SCFD2: variants seen among roughly 807,000 people sequenced by gnomAD.
The protein encoded by SCFD2 is sec1 family domain containing 2, also known as sec1 family domain-containing protein 2.
SCFD2 carries 54 observed loss-of-function variants against 58.9 expected under a neutral mutation model. The ratio of observed to expected loss-of-function variants is 0.92; its 90% CI spans 0.74 to 1.15. SCFD2 has a LOEUF of 1.15. SCFD2 is among the 50% of genes most tolerant of loss of function. The pLI is 0.00. For synonymous variants in SCFD2, 321 were observed against 335.9 expected, an observed-to-expected ratio of 0.96 and a Z score of 0.49; for missense variants, 805 against 836.6, an observed-to-expected ratio of 0.96 and a Z score of 0.47.
intron 5 of SCFD2, among the ~76,000 whole-genome samples, chr4:53,062,056 T>C (rs1335470346): frequency 2.0e-5 from 3 of 151,670 alleles, no homozygotes; most frequent in Non-Finnish European, 4.4e-5. Context: ...TGTAATTATA[T>C]AACATAATAT....
chr4:53,258,637 G>A (rs1730734327), intron 4 of SCFD2, among the ~76,000 whole-genome samples: 1 of 147,914 alleles, frequency 6.8e-6, no homozygotes, highest in Non-Finnish European at 1.5e-5. Flanking sequence ...TGGGCATTTG[G>A]GCTGGTTCCA....
At chr4:53,095,595 G>T (rs1047919922) in intron 5 of SCFD2, among the ~76,000 whole-genome samples, 1 of 152,004 alleles carries the variant, frequency 6.6e-6, no homozygotes, top group Non-Finnish European at 1.5e-5. Context: ...AAAAATGTAT[G>T]ACAGATAATT....
At chr4:53,079,688 A>G (rs1724084862) in intron 5 of SCFD2, among the ~76,000 whole-genome samples, 1 of 152,188 alleles carries the variant, frequency 6.6e-6, no homozygotes, top group Admixed American at 6.5e-5. Context: ...CCCAATAATT[A>G]CCATTATATG....
At chr4:53,235,262 A>T (rs1406669962) in intron 4 of SCFD2, among the ~76,000 whole-genome samples, 1 of 152,206 alleles carries the variant, frequency 6.6e-6, no homozygotes, top group East Asian at 1.9e-4. Context: ...AACAGGTGGT[A>T]AGAACATAAA....
intron 1 of SCFD2, among the ~76,000 whole-genome samples, chr4:53,356,505 AGC>A (rs1734404624): frequency 6.6e-6 from 1 of 152,180 alleles, no homozygotes; most frequent in Admixed American, 6.5e-5. Context: ...GGCTCACTGC[AGC>A]CTAGATTTCC....
Position 52,882,783 on chromosome 4 carries a change from A to G in SCFD2, c.1962+2964T>C, listed in dbSNP as rs1156485326. Reference sequence around the variant, plus strand: ...CCTCACCTTGTGACTGTGTCAGTCAATAGTCCTTAATAAACTCCCCTTTAT... The same window carrying G: ...CCTCACCTTGTGACTGTGTCAGTCAGTAGTCCTTAATAAACTCCCCTTTAT... On this transcript the variant is annotated intron_variant, in intron 8 of 8. Transcript: ENST00000401642. 3.9e-5 allele frequency among the ~76,000 whole-genome samples: 6 copies of G among 152,202 alleles called. No individual in the cohort carries two copies. In the East Asian group the frequency reaches 9.6e-4, roughly 24 times the overall value.
At chr4:53,233,652 C>T (rs1281165256) in intron 4 of SCFD2, among the ~76,000 whole-genome samples, 3 of 152,198 alleles carry the variant, frequency 2.0e-5, no homozygotes, top group Non-Finnish European at 4.4e-5. Flanking sequence ...CACCTAACTC[C>T]AAATCTGGCC....
chr4:52,910,292 T>A (rs1211261986), intron 6 of SCFD2, among the ~76,000 whole-genome samples: 1 of 152,230 alleles, frequency 6.6e-6, no homozygotes, highest in Non-Finnish European at 1.5e-5. Context: ...AAGTGAAGCC[T>A]GGAGCTCCAG....
At chr4:53,041,855 T>C (rs1722908641) in intron 5 of SCFD2, among the ~76,000 whole-genome samples, 1 of 152,194 alleles carries the variant, frequency 6.6e-6, no homozygotes, top group South Asian at 2.1e-4. Flanking sequence ...TCCCAGAGTG[T>C]ATCCACTTCT....
chr4:52,964,717 C>A (rs1038232868), intron 5 of SCFD2, among the ~76,000 whole-genome samples: 8 of 149,392 alleles, frequency 5.4e-5, no homozygotes, highest in Non-Finnish European at 8.9e-5. Flanking sequence ...CACACATACA[C>A]AAGGACTCAG....
chr4:52,885,952 T>C, intron 7 of SCFD2, 86 bp from the exon 8 acceptor site: 3 of 1,541,432 alleles, frequency 1.9e-6, no homozygotes, highest in Non-Finnish European at 2.7e-6. Context: ...TGTCCCTCTG[T>C]AGAAACCTCA....
intron 2 of SCFD2, among the ~76,000 whole-genome samples, chr4:53,329,219 A>G (rs1479559682): frequency 1.3e-5 from 2 of 152,208 alleles, no homozygotes; most frequent in Non-Finnish European, 2.9e-5. Context: ...GCAGCCTGGA[A>G]GCTCGAACTG....
At chr4:53,216,718 A>C (rs1385894785) in intron 4 of SCFD2, among the ~76,000 whole-genome samples, 1 of 151,988 alleles carries the variant, frequency 6.6e-6, no homozygotes, top group Non-Finnish European at 1.5e-5. Context: ...TTGCTTCTCT[A>C]GTTCTTCTAA....
chr4:53,030,837 T>G (rs1281545116), intron 5 of SCFD2, among the ~76,000 whole-genome samples: 1 of 152,180 alleles, frequency 6.6e-6, no homozygotes, highest in Non-Finnish European at 1.5e-5. Flanking sequence ...AGCCAATACA[T>G]GCATATTTAT....
chr4:53,322,308 T>C (rs558685968), intron 2 of SCFD2, among the ~76,000 whole-genome samples: 2 of 152,268 alleles, frequency 1.3e-5, no homozygotes, highest in African/African-American at 4.8e-5. Context: ...CTGCTCATTA[T>C]ACACGAATTA....
chr4:53,050,205 TAAGAG>T (rs1031061552), intron 5 of SCFD2, among the ~76,000 whole-genome samples: 4 of 152,290 alleles, frequency 2.6e-5, no homozygotes, highest in Middle Eastern at 3.4e-3. Flanking sequence ...TTTAAGTACT[TAAGAG>T]AAGCAAGATC....
chr4:53,173,566 A>G (rs1053959616), intron 4 of SCFD2, among the ~76,000 whole-genome samples: 1 of 152,106 alleles, frequency 6.6e-6, no homozygotes, highest in Non-Finnish European at 1.5e-5. Context: ...GGAAAATCTA[A>G]TCAATTTACA....
intron 4 of SCFD2, among the ~76,000 whole-genome samples, chr4:53,173,815 C>G (rs74446537): frequency 6.6e-6 from 1 of 152,146 alleles, no homozygotes; most frequent in African/African-American, 2.4e-5. Context: ...AAGCTGATAA[C>G]TGCTTAACTT....
intron 1 of SCFD2, among the ~76,000 whole-genome samples, chr4:53,363,072 G>A (rs1456389751): frequency 6.6e-6 from 1 of 152,154 alleles, no homozygotes; most frequent in Non-Finnish European, 1.5e-5. Context: ...TCTATAAAAT[G>A]ATTGCTGCCA....
Sources: gnomAD v4.1 joint callset for allele counts (sites outside exome capture counted in the v4.1 genomes callset) on GRCh38, gnomAD v4.1.1 for gene constraint, MANE v1.5 for transcripts, NCBI Gene and HGNC (gene_info 2026-07-23, HGNC 2026-07-21) for gene names.